TAF4: variants seen among roughly 807,000 people sequenced by gnomAD.
TAF4 encodes the protein transcription initiation factor TFIID subunit 4.
TAF4 carries 9 observed loss-of-function variants against 90.3 expected under a neutral mutation model. That is an observed-to-expected ratio of 0.10 (90% CI 0.06 to 0.17). TAF4 has a LOEUF of 0.17. TAF4 is among the 10% of genes least tolerant of loss of function. TAF4 has a pLI of 1.00. For missense variants in TAF4, 1,351 were observed against 1,370.7 expected, an observed-to-expected ratio of 0.99 and a Z score of 0.23; for synonymous variants, 818 against 638.9, an observed-to-expected ratio of 1.28 and a Z score of -4.23.
Position 62,000,586 on chromosome 20 carries a change from G to A in TAF4, c.2622C>T (p.Leu874=). 6.2e-7 allele frequency: 1 copy of A among 1,614,182 alleles called. No individual in the cohort carries two copies. The highest frequency in any genetic ancestry group is 8.5e-7 in the Non-Finnish European group (1 of 1,179,984). ...TRSCKDETFL[L]QAPLQRRILE... ...ATATTCTTCTCTGCAAAGGCGCTTG[G>A]AGGAGGAAGGTTTCATCTTTACAGG... is the stretch of plus-strand genomic sequence containing the variant. Residue 874 remains leucine (L), a synonymous_variant, in exon 10 of 15, where the codon CTC becomes CTT. Coordinates refer to ENST00000252996, the MANE Select transcript of TAF4 (RefSeq NM_003185.4).
chr20:62,047,766 AAG>A (rs1424152319), intron 1 of TAF4, among the ~76,000 whole-genome samples: 4 of 152,242 alleles, frequency 2.6e-5, no homozygotes, highest in Non-Finnish European at 5.9e-5. Flanking sequence ...TCGCCATGAG[AAG>A]AGTCGCCCCT....
chr20:62,024,104 C>T (rs542886644), intron 1 of TAF4, among the ~76,000 whole-genome samples: 3 of 152,206 alleles, frequency 2.0e-5, no homozygotes, highest in Admixed American at 1.3e-4. Context: ...ACCAGGACAG[C>T]ACAGTGTTGG....
chr20:61,997,742 G>A (rs751559577), intron 13 of TAF4, 73 bp from the exon 14 acceptor site: 9 of 1,477,154 alleles, frequency 6.1e-6, no homozygotes, highest in Non-Finnish European at 7.2e-6. Flanking sequence ...GTAATACATA[G>A]ATATGAAAGG....
chr20:62,017,602 G>A (rs1377660791), intron 1 of TAF4, among the ~76,000 whole-genome samples: 1 of 152,184 alleles, frequency 6.6e-6, no homozygotes, highest in African/African-American at 2.4e-5. Context: ...AGCTGAGATC[G>A]TGCCGCTGCA....
intron 1 of TAF4, among the ~76,000 whole-genome samples, chr20:62,062,457 T>A (rs187598503): frequency 6.6e-6 from 1 of 152,206 alleles, no homozygotes; most frequent in East Asian, 1.9e-4. Context: ...AAATTCCTCA[T>A]CAGTAGATCA....
intron 14 of TAF4, among the ~76,000 whole-genome samples, chr20:61,990,288 G>C (rs777524122): frequency 6.6e-6 from 1 of 152,182 alleles, no homozygotes; most frequent in Non-Finnish European, 1.5e-5. Flanking sequence ...TCTGCACGGA[G>C]CTCCTTACTC....
intron 1 of TAF4, among the ~76,000 whole-genome samples, chr20:62,051,999 T>C (rs1273292196): frequency 6.6e-6 from 1 of 152,278 alleles, no homozygotes; most frequent in Admixed American, 6.5e-5. Context: ...TGCAGGGCCA[T>C]GTCACCTCCA....
At chr20:62,001,567 G>A (rs1229739971) in intron 9 of TAF4, among the ~76,000 whole-genome samples, 1 of 152,050 alleles carries the variant, frequency 6.6e-6, no homozygotes, top group African/African-American at 2.4e-5. Flanking sequence ...GGCCTGCCTG[G>A]CGTCTCCTGG....
chr20:61,984,838 C>A (rs913230485), intron 14 of TAF4, among the ~76,000 whole-genome samples: 5 of 141,118 alleles, frequency 3.5e-5, no homozygotes, highest in Admixed American at 7.2e-5. Flanking sequence ...TGAGTAGAAA[C>A]GGGATGCAAA....
chr20:61,982,353 G>A (rs2055553015), intron 14 of TAF4, among the ~76,000 whole-genome samples: 1 of 121,942 alleles, frequency 8.2e-6, no homozygotes, highest in Non-Finnish European at 1.7e-5. Flanking sequence ...CACCCTAGAG[G>A]AGACACCAAA....
chr20:62,019,514 C>T (rs1335697977), intron 1 of TAF4, among the ~76,000 whole-genome samples: 4 of 152,216 alleles, frequency 2.6e-5, no homozygotes, highest in Non-Finnish European at 5.9e-5. Flanking sequence ...TGAAACTCTC[C>T]ACTCTCCCAG....
Position 62,059,883 on chromosome 20 carries a change from C to A in TAF4, c.1360+4568G>T, listed in dbSNP as rs567342997. Among the ~76,000 whole-genome samples, 4 of 152,370 alleles carry A rather than the reference C, an allele frequency of 2.6e-5. No homozygotes were observed. The East Asian group carries it at 7.7e-4, about 29-fold the overall frequency. On this transcript the variant is annotated intron_variant, in intron 1 of 14. Coordinates refer to ENST00000252996, the MANE Select transcript of TAF4 (RefSeq NM_003185.4). ...ACACAGCTGCTAATTATGCTTTGAT[C>A]AACTCACTTACAACCAACAATTTAT...
At chr20:62,012,715 T>TA in intron 3 of TAF4, 100 bp downstream of exon 3, 3 of 1,305,900 alleles carry the variant, frequency 2.3e-6, no homozygotes, top group Non-Finnish European at 3.0e-6. Flanking sequence ...AGTATCCAGT[T>TA]TAAAAAAAAA....
intron 1 of TAF4, among the ~76,000 whole-genome samples, chr20:62,056,667 GA>G (rs1222111001): frequency 5.9e-5 from 9 of 152,268 alleles, no homozygotes; most frequent in Non-Finnish European, 2.9e-5. Context: ...TGTAATTACA[GA>G]AAAACACAGA....
Position 62,064,836 on chromosome 20 carries a change from G to A in TAF4, c.975C>T (p.Val325=). The change falls in exon 1 of 15, where the codon GTC becomes GTT. Residue 325 remains valine, a synonymous_variant. Transcript: ENST00000252996. The part of the protein sequence containing the change: ...PAPAAGGPAG[V]SGQPGPGAAA... Reference sequence around the variant, plus strand: ...CCGCGCCGGGCCCGGGTTGGCCGCTGACCCCCGCGGGGCCCCCGGCGGCCG... The same window carrying A: ...CCGCGCCGGGCCCGGGTTGGCCGCTAACCCCCGCGGGGCCCCCGGCGGCCG... 1 of 967,184 alleles carries A rather than the reference G, an allele frequency of 1.0e-6. No homozygotes were observed. The highest frequency in any genetic ancestry group is 1.2e-4 in the East Asian group (1 of 8,044). 59.9% of individuals were successfully genotyped at this position (967,184 alleles called of 1,614,324 possible). A position where few individuals can be genotyped will look rare whatever the true frequency, so the allele number is the denominator to read the frequency against.
intron 1 of TAF4, among the ~76,000 whole-genome samples, chr20:62,054,864 C>CT (rs1491333698): frequency 6.6e-6 from 1 of 152,130 alleles, no homozygotes; most frequent in African/African-American, 2.4e-5. Context: ...AGCTGCTCCC[C>CT]TGAGCTCCTG....
chr20:62,061,791 T>C (rs1178709496), intron 1 of TAF4, among the ~76,000 whole-genome samples: 1 of 152,208 alleles, frequency 6.6e-6, no homozygotes, highest in Admixed American at 6.5e-5. Flanking sequence ...GTGAATAAAA[T>C]CTAAACTCTG....
intron 14 of TAF4, among the ~76,000 whole-genome samples, chr20:61,994,212 G>C (rs2055649625): frequency 6.6e-6 from 1 of 152,198 alleles, no homozygotes; most frequent in African/African-American, 2.4e-5. Context: ...CAGAATTTCA[G>C]TTCTTTCTTG....
At chr20:62,054,940 C>T (rs572403699) in intron 1 of TAF4, among the ~76,000 whole-genome samples, 1 of 152,282 alleles carries the variant, frequency 6.6e-6, no homozygotes, top group Admixed American at 6.5e-5. Context: ...TCCACAAGAG[C>T]CTTTGTCTTC....
Sources: allele counts gnomAD v4.1 joint callset (sites outside exome capture counted in the v4.1 genomes callset), GRCh38; gene constraint gnomAD v4.1.1; transcripts MANE v1.5; gene names NCBI Gene and HGNC (gene_info 2026-07-23, HGNC 2026-07-21).